The following MS4A1 variants were observed in gnomAD, a reference collection of about 807,000 sequenced individuals.
The protein encoded by MS4A1 is membrane spanning 4-domains A1, also known as B-lymphocyte antigen CD20.
A neutral mutation model predicts 26.5 loss-of-function variants in MS4A1; 16 were observed. The observed-to-expected ratio is 0.60, with a 90% CI of 0.41 to 0.92. The LOEUF is 0.92. Among genes scored for constraint, MS4A1 ranks in the 40% least tolerant of loss-of-function variants. The pLI is 0.00. For missense variants in MS4A1, 350 were observed against 353.0 expected (o/e 0.99, Z 0.07); for synonymous variants, 128 against 117.6 (o/e 1.09, Z -0.57).
chr11:60,462,873 G>A, intron 3 of MS4A1, 129 bp from the exon 4 acceptor site: 2 of 1,379,144 alleles, frequency 1.5e-6, no homozygotes, highest in Non-Finnish European at 2.0e-6. Flanking sequence ...CAAAATTCTT[G>A]GCACCTCCAC....
intron 1 of MS4A1, among the ~76,000 whole-genome samples, chr11:60,456,473 T>A (rs1236262761): frequency 6.6e-6 from 1 of 152,226 alleles, no homozygotes; most frequent in Non-Finnish European, 1.5e-5. Context: ...CTACATTAAA[T>A]GTAAATATAC....
At chr11:60,465,823 C>T (rs1481140016) in intron 5 of MS4A1, 98 bp from the exon 6 acceptor site, 7 of 895,952 alleles carry the variant, frequency 7.8e-6, no homozygotes, top group Non-Finnish European at 1.3e-5. Context: ...GTTGTAGTTG[C>T]TTTGTGAGTC....
intron 7 of MS4A1, among the ~76,000 whole-genome samples, chr11:60,467,369 C>A (rs978793613): frequency 6.6e-6 from 1 of 151,540 alleles, no homozygotes; most frequent in African/African-American, 2.4e-5. Flanking sequence ...CCTCTGCCTC[C>A]GGGTTCAGGC....
At chr11:60,460,420 G>A (rs371392508) in intron 1 of MS4A1, among the ~76,000 whole-genome samples, 2 of 152,146 alleles carry the variant, frequency 1.3e-5, no homozygotes, top group South Asian at 2.1e-4. Flanking sequence ...CAGCCCTAAA[G>A]TAGGTATAAA....
rs2086244062 is a variant in MS4A1, at chr11:60,461,127, G to A, written c.-224G>A. 1.3e-5 allele frequency: 2 copies of A among 151,790 alleles called. 1 individual carries two copies. The highest frequency in any genetic ancestry group is 1.3e-4 in the Admixed American group (2 of 14,942). 9.4% of individuals were successfully genotyped at this position (151,790 alleles called of 1,614,324 possible). ...TTTGATGGAACTTCCATTCTGTGGG[G>A]AAGAGACTGACAATAAGCAATTAAA... On this transcript the variant is annotated 5_prime_UTR_variant, in exon 2 of 8. Coordinates refer to ENST00000345732, the MANE Select transcript of MS4A1 (RefSeq NM_152866.3).
chr11:60,458,525 A>T (rs1193563667), intron 1 of MS4A1, among the ~76,000 whole-genome samples: 1 of 152,238 alleles, frequency 6.6e-6, no homozygotes, highest in African/African-American at 2.4e-5. Context: ...ATTCATGCTG[A>T]TTTGGACACC....
At position 60,462,436 on chromosome 11, in the gene MS4A1, T is replaced by C. The variant is rs1230185096; in HGVS notation, c.62T>C (p.Ile21Thr). 6.2e-7 allele frequency: 1 copy of C among 1,614,230 alleles called. No individual in the cohort carries two copies. Among genetic ancestry groups the C allele is most frequent in the African/African-American group, 1.3e-5 (1 of 75,054 alleles). ...CCGGCAGAGCCAATGAAAGGCCCTA[T>C]TGCTATGCAATCTGGTCCAAAACCA... ...TFPAEPMKGPIAMQSGPKPLF... is the reference protein window; with the variant it reads ...TFPAEPMKGPTAMQSGPKPLF... The change falls in exon 3 of 8, where the codon ATT becomes ACT. Residue 21 changes from isoleucine (I) to threonine (T), a missense_variant. Ile to Thr is a moderately conservative substitution (Grantham distance 89, BLOSUM62 -1). Transcript: ENST00000345732.
intron 7 of MS4A1, among the ~76,000 whole-genome samples, chr11:60,467,298 G>A (rs1215686387): frequency 7.4e-6 from 1 of 135,582 alleles, no homozygotes. Flanking sequence ...TTTTTTTTGA[G>A]ACAGAGTCTC....
intron 2 of MS4A1, among the ~76,000 whole-genome samples, chr11:60,461,774 C>A (rs577216303): frequency 1.4e-4 from 22 of 151,818 alleles, no homozygotes; most frequent in Admixed American, 1.3e-3. Flanking sequence ...CCCATCTTGG[C>A]CTCCCAAAGT....
intron 5 of MS4A1, among the ~76,000 whole-genome samples, chr11:60,465,262 C>T (rs2086281727): frequency 6.6e-6 from 1 of 152,214 alleles, no homozygotes; most frequent in Non-Finnish European, 1.5e-5. Context: ...CTTTTATCAT[C>T]CCTGCAAGGT....
chr11:60,465,699 C>T, intron 5 of MS4A1: 1 of 545,242 alleles, frequency 1.8e-6, no homozygotes. Flanking sequence ...CTTTATAAAA[C>T]AGATGGATGG....
chr11:60,467,568 G>A (rs2135204257), intron 7 of MS4A1, among the ~76,000 whole-genome samples: 1 of 152,080 alleles, frequency 6.6e-6, no homozygotes, highest in South Asian at 2.1e-4. Flanking sequence ...GAGCCACCAT[G>A]CCCCACCTCT....
Position 60,466,993 on chromosome 11 carries a change from TC to T in MS4A1, c.610del (p.Gln204ArgfsTer4). ...TCAGTGATGCTGATCTTTGCCTTCT[TC>T]CAGGAACTTGTAATAGCTGGCATCG... ...ILSVMLIFAF[F>X]QELVIAGIVE... On this transcript the variant is annotated frameshift_variant, in exon 7 of 8. Transcript: ENST00000345732. LOFTEE classifies it high-confidence loss of function. 6.2e-7 allele frequency: 1 copy of T among 1,614,206 alleles called. No individual in the cohort carries two copies. The highest frequency in any genetic ancestry group is 8.5e-7 in the Non-Finnish European group (1 of 1,180,026).
In MS4A1 at chr11:60,468,478, T is replaced by C. The variant is rs1372768050; in HGVS notation, c.*10T>C. 2.5e-6 allele frequency: 4 copies of C among 1,611,598 alleles called. No homozygotes were observed. Among genetic ancestry groups the C allele is most frequent in the South Asian group, 1.1e-5 (1 of 90,942 alleles). On this transcript the variant is annotated 3_prime_UTR_variant, in exon 8 of 8. Coordinates refer to ENST00000345732, the MANE Select transcript of MS4A1 (RefSeq NM_152866.3). ...TGACAGCTCTCCTTAAGTGATTTCT[T>C]CTGTTTTCTGTTTCCTTTTTTAAAC...
At position 60,466,048 on chromosome 11, in the gene MS4A1, T is replaced by C. The variant is rs1166080334; in HGVS notation, c.464T>C (p.Ile155Thr). 1.2e-6 allele frequency: 2 copies of C among 1,613,908 alleles called. No individual in the cohort carries two copies. Among genetic ancestry groups the C allele is most frequent in the Admixed American group, 1.7e-5 (1 of 60,020 alleles). The change falls in exon 6 of 8, where the codon ATT becomes ACT. Residue 155 changes from isoleucine (I) to threonine (T), a missense_variant. By Grantham distance (89) the Ile-to-Thr change is moderately conservative. Transcript: ENST00000345732. ...TTAAAAATGGAGAGTCTGAATTTTA[T>C]TAGAGCTCACACACCATATATTAAC... ...HFLKMESLNF[I>T]RAHTPYINIY...
intron 2 of MS4A1, among the ~76,000 whole-genome samples, chr11:60,461,943 C>G (rs559430870): frequency 2.0e-5 from 3 of 152,204 alleles, no homozygotes; most frequent in African/African-American, 7.2e-5. Flanking sequence ...GCCTCTGGCC[C>G]ATCATAATGC....
At position 60,469,831 on chromosome 11, in the gene MS4A1, C is replaced by T. The variant is rs544927271; in HGVS notation, c.*1363C>T. 3 of 152,170 alleles carry T rather than the reference C, an allele frequency of 2.0e-5. No individual in the cohort carries two copies. The highest frequency in any genetic ancestry group is 4.1e-4 in the South Asian group (2 of 4,822). 9.4% of individuals were successfully genotyped at this position (152,170 alleles called of 1,614,324 possible). The stretch of plus-strand genomic sequence containing the variant: ...TAACCTAGGGTGAAGTCACTATAAT[C>T]TGTAGTCTATTATTTGGGCATTTGC... On this transcript the variant is annotated 3_prime_UTR_variant, in exon 8 of 8. Coordinates refer to ENST00000345732, the MANE Select transcript of MS4A1 (RefSeq NM_152866.3).
chr11:60,456,651 A>C (rs1019301738), intron 1 of MS4A1, among the ~76,000 whole-genome samples: 1 of 152,204 alleles, frequency 6.6e-6, no homozygotes. Context: ...ATTAATTTTA[A>C]TCATGCCATT....
At position 60,468,258 on chromosome 11, in the gene MS4A1, TCTC is replaced by T. The variant is rs1565195820; in HGVS notation, c.687_689del (p.Leu230del). 1.2e-6 allele frequency: 2 copies of T among 1,611,550 alleles called. No individual in the cohort carries two copies. The highest frequency in any genetic ancestry group is 1.7e-5 in the Admixed American group (1 of 59,840). On this transcript the variant is annotated inframe_deletion, in exon 8 of 8. Transcript: ENST00000345732. ...TTAATTTTCTGTTTTAGAACATAGT[TCTC>T]CTGTCAGCAGAAGAAAAAAAAGAAC...
Sources: gnomAD v4.1 joint callset for allele counts (sites outside exome capture counted in the v4.1 genomes callset) on GRCh38, gnomAD v4.1.1 for gene constraint, MANE v1.5 for transcripts, NCBI Gene and HGNC (gene_info 2026-07-23, HGNC 2026-07-21) for gene names.